PRDM9: variants seen among roughly 807,000 people sequenced by gnomAD.
PRDM9 encodes the protein PR/SET domain 9, also known as histone-lysine N-methyltransferase PRDM9.
PRDM9 carries 47 observed loss-of-function variants against 55.6 expected under a neutral mutation model. That is an observed-to-expected ratio of 0.85 (90% CI 0.67 to 1.08). The LOEUF (loss-of-function observed/expected upper bound fraction) is 1.08, where lower values mean the gene tolerates loss of function less well. Ranked by LOEUF, PRDM9 falls within the 50% of genes least tolerant of loss-of-function variation. The pLI, the probability that PRDM9 is intolerant of heterozygous loss-of-function variation, is 0.00. For missense variants in PRDM9, 867 were observed against 1,040.3 expected (o/e 0.83, Z 2.29); for synonymous variants, 312 against 375.7 (o/e 0.83, Z 1.96).
chr5:23,526,150 G>T, intron 10 of PRDM9, 83 bp from the exon 11 acceptor site: 1 of 1,453,892 alleles, frequency 6.9e-7, no homozygotes, highest in South Asian at 1.1e-5. Context: ...AAGAATGATT[G>T]TTTCTTCATT....
chr5:23,524,332 A>G lies in PRDM9; in HGVS notation c.951-2A>G. ...CTTTCCCTTTGCCTGCCTTGACCCCAGGTATGTGAACTGTGCCCGGGATGA... is the reference window on the plus strand; with the variant it reads ...CTTTCCCTTTGCCTGCCTTGACCCCGGGTATGTGAACTGTGCCCGGGATGA... On this transcript the variant is annotated splice_acceptor_variant, in intron 9 of 10. Transcript: ENST00000296682. LOFTEE classifies it high-confidence loss of function. 6.2e-7 allele frequency: 1 copy of G among 1,613,664 alleles called. No individual in the cohort carries two copies. The highest frequency in any genetic ancestry group is 8.5e-7 in the Non-Finnish European group (1 of 1,179,678).
rs1739010418 is a variant in PRDM9, at chr5:23,507,665, A to C, written c.-132A>C. ...GAACGCCGCGGCAGGAGAGCACGGG[A>C]GATTGTGAAGAGCATGGGGAGCCTT... On this transcript the variant is annotated 5_prime_UTR_variant, in exon 1 of 11. Coordinates refer to ENST00000296682, the MANE Select transcript of PRDM9 (RefSeq NM_020227.4). The C allele has an allele frequency of 6.6e-6, 1 of 152,342 alleles. No homozygotes were observed. Among genetic ancestry groups the C allele is most frequent in the South Asian group, 2.1e-4 (1 of 4,826 alleles). 9.4% of individuals were successfully genotyped at this position (152,342 alleles called of 1,614,324 possible). A position where few individuals can be genotyped will look rare whatever the true frequency, so the allele number is the denominator to read the frequency against.
intron 5 of PRDM9, 120 bp from the exon 6 acceptor site, chr5:23,520,903 A>G: frequency 1.7e-6 from 2 of 1,178,206 alleles, no homozygotes; most frequent in South Asian, 2.7e-5. Flanking sequence ...GTATTTAGAC[A>G]CTCTAGGTAT....
In PRDM9 at chr5:23,526,592, C is replaced by A. The variant is rs753543119; in HGVS notation, c.1504C>A (p.Gln502Lys). The part of the protein sequence containing the change: ...RIMEEESRTG[Q>K]KVNPGNTGKL... The stretch of plus-strand genomic sequence containing the variant: ...AATGGAAGAAGAGTCCAGAACAGGC[C>A]AGAAAGTGAATCCAGGGAACACAGG... Residue 502 changes from glutamine to lysine, a missense_variant, in exon 11 of 11, where the codon CAG becomes AAG. By Grantham distance (53) the Gln-to-Lys change is moderately conservative. This residue lies in a region of PRDM9 where 662 missense variants were observed against 711.9 expected (regional missense o/e 0.93). Transcript: ENST00000296682. 2 of 1,614,194 alleles carry A rather than the reference C, an allele frequency of 1.2e-6. No individual in the cohort carries two copies. The highest frequency in any genetic ancestry group is 1.7e-5 in the Admixed American group (1 of 60,026).
In PRDM9 at chr5:23,509,536, TG is replaced by T. The variant is rs771602494; in HGVS notation, c.139del (p.Glu47ArgfsTer8). 1.2e-6 allele frequency: 2 copies of T among 1,614,156 alleles called. No individual in the cohort carries two copies. The highest frequency in any genetic ancestry group is 4.5e-5 in the East Asian group (2 of 44,868). ...TKEEWAEMGDWEKTRYRNVKR... is the reference protein window; with the variant it reads ...TKEEWAEMGDXEKTRYRNVKR... Reference sequence around the variant, plus strand: ...GGAAGAATGGGCAGAGATGGGAGACTGGGAGAAAACTCGCTATAGGAATGTG... The same window carrying T: ...GGAAGAATGGGCAGAGATGGGAGACTGGAGAAAACTCGCTATAGGAATGTG... On this transcript the variant is annotated frameshift_variant, in exon 3 of 11. Coordinates refer to ENST00000296682, the MANE Select transcript of PRDM9 (RefSeq NM_020227.4). LOFTEE classifies it high-confidence loss of function.
chr5:23,520,091 G>A (rs1467677165), intron 5 of PRDM9, among the ~76,000 whole-genome samples: 1 of 149,096 alleles, frequency 6.7e-6, no homozygotes, highest in Non-Finnish European at 1.5e-5. Flanking sequence ...TGGTCTGAGT[G>A]TGGGGGCTCA....
rs546938751 is a variant in PRDM9 at position 23,522,893 on chromosome 5, G to A, written c.882+8G>A. ...AATGGATACTCCTGGCTGGTAAGAA[G>A]AGCCTGCCATTTCCCCTGTTCTGTC... On this transcript the variant is annotated splice_region_variant and intron_variant, in intron 8 of 10. Coordinates refer to ENST00000296682, the MANE Select transcript of PRDM9 (RefSeq NM_020227.4). 13 of 1,614,264 alleles carry A rather than the reference G, an allele frequency of 8.1e-6. No homozygotes were observed. The highest frequency in any genetic ancestry group is 2.2e-5 in the East Asian group (1 of 44,890).
At position 23,524,373 on chromosome 5, in the gene PRDM9, G is replaced by A; in HGVS notation, c.990G>A (p.Leu330=). The A allele has an allele frequency of 1.2e-6, 2 of 1,613,916 alleles. No homozygotes were observed. The highest frequency in any genetic ancestry group is 2.2e-5 in the East Asian group (1 of 44,860). ...NCARDDEEQN[L]VAFQYHRQIF... The stretch of plus-strand genomic sequence containing the variant: ...CCCGGGATGATGAAGAGCAGAACCT[G>A]GTGGCCTTCCAGTACCACAGGCAGA... The change falls in exon 10 of 11, where the codon CTG becomes CTA. Residue 330 remains leucine, a synonymous_variant. Transcript: ENST00000296682.
chr5:23,508,399 C>T (rs566409909), intron 1 of PRDM9, among the ~76,000 whole-genome samples: 2 of 152,234 alleles, frequency 1.3e-5, no homozygotes, highest in South Asian at 4.1e-4. Flanking sequence ...TTTCTTCAGT[C>T]TAAGACATCT....
intron 10 of PRDM9, among the ~76,000 whole-genome samples, chr5:23,524,883 G>A (rs16874441): frequency 0.045 from 6,850 of 152,224 alleles, 321 homozygotes; most frequent in East Asian, 0.19. Flanking sequence ...ATATGCATGT[G>A]TTGTTATTCA....
intron 4 of PRDM9, 151 bp from the exon 5 acceptor site, chr5:23,517,730 T>C (rs1294464236): frequency 1.3e-6 from 1 of 749,762 alleles, no homozygotes; most frequent in Non-Finnish European, 2.3e-6. Context: ...GAGGTTGCAG[T>C]GAGTGGAGAT....
rs1171549171 is a variant in PRDM9, at chr5:23,521,010, T to G, written c.352-13T>G. ...TTCGTGTTGTCTTTTAATATGTGAC[T>G]CTCACATTAAAGGGAATGCCCAAGG... On this transcript the variant is annotated splice_polypyrimidine_tract_variant and intron_variant, in intron 5 of 10. Transcript: ENST00000296682. 5 of 1,613,828 alleles carry G rather than the reference T, an allele frequency of 3.1e-6. No homozygotes were observed. The highest frequency in any genetic ancestry group is 4.2e-6 in the Non-Finnish European group (5 of 1,179,712).
intron 4 of PRDM9, among the ~76,000 whole-genome samples, chr5:23,511,649 T>C (rs570678188): frequency 1.1e-4 from 16 of 152,292 alleles, no homozygotes; most frequent in South Asian, 6.2e-4. Flanking sequence ...CCTGGCCTCA[T>C]ATAAAGTTTT....
rs182841000 is a variant in PRDM9, at chr5:23,515,624, T to G, written c.302-2257T>G. The stretch of plus-strand genomic sequence containing the variant: ...TCATAAGCTTTTCCTCTGTGTTTTC[T>G]TCTTGAGGTTCTGTACTTATAGGTT... On this transcript the variant is annotated intron_variant, in intron 4 of 10. Transcript: ENST00000296682. Among the ~76,000 whole-genome samples the G allele has an allele frequency of 5.9e-5, 9 of 152,348 alleles. No individual in the cohort carries two copies. The East Asian group carries it at 1.7e-3, about 29-fold the overall frequency.
At chr5:23,523,413 G>T (rs1034407895) in intron 9 of PRDM9, 55 bp downstream of exon 9, 18 of 1,543,794 alleles carry the variant, frequency 1.2e-5, no homozygotes, top group Non-Finnish European at 1.5e-5. Flanking sequence ...TCACAAAGCT[G>T]GATTTCCTTC....
At chr5:23,524,900 A>C (rs903495360) in intron 10 of PRDM9, among the ~76,000 whole-genome samples, 5 of 152,216 alleles carry the variant, frequency 3.3e-5, no homozygotes, top group African/African-American at 7.2e-5. Context: ...TTCATTCATT[A>C]ATTACCTCAA....
intron 4 of PRDM9, among the ~76,000 whole-genome samples, chr5:23,512,236 A>G (rs1211964409): frequency 6.6e-6 from 1 of 152,190 alleles, no homozygotes; most frequent in African/African-American, 2.4e-5. Flanking sequence ...AGAGCTGTTT[A>G]GTTTCCCTGA....
rs761011357 is a variant in PRDM9, at chr5:23,527,652, C to T, written c.2564C>T (p.Thr855Ile). The change falls in exon 11 of 11, where the codon ACA becomes ATA. Residue 855 changes from threonine to isoleucine, a missense_variant. Thr to Ile is a moderately conservative substitution (Grantham distance 89). This residue lies in a region of PRDM9 where 86 missense variants were observed against 73.6 expected (regional missense o/e 1.17). Coordinates refer to ENST00000296682, the MANE Select transcript of PRDM9 (RefSeq NM_020227.4). Reference sequence around the variant, plus strand: ...CTCCTCAGACACCAGAGGACACACACAGGGGAGAAGCCCTACGTCTGCAGG... The same window carrying T: ...CTCCTCAGACACCAGAGGACACACATAGGGGAGAAGCCCTACGTCTGCAGG... Reference protein sequence around the residue: ...SHLLRHQRTHTGEKPYVCREC... With the variant: ...SHLLRHQRTHIGEKPYVCREC... 3.9e-6 allele frequency: 6 copies of T among 1,520,088 alleles called. No individual in the cohort carries two copies. The highest frequency in any genetic ancestry group is 4.4e-6 in the Non-Finnish European group (5 of 1,125,508). 94.2% of individuals were successfully genotyped at this position (1,520,088 alleles called of 1,614,324 possible). A position where few individuals can be genotyped will look rare whatever the true frequency, so the allele number is the denominator to read the frequency against.
rs1165533170 is a variant in PRDM9 at position 23,522,822 on chromosome 5, T to C, written c.819T>C (p.Phe273=). 2 of 1,614,110 alleles carry C rather than the reference T, an allele frequency of 1.2e-6. No individual in the cohort carries two copies. Among genetic ancestry groups the C allele is most frequent in the Non-Finnish European group, 1.7e-6 (2 of 1,180,048 alleles). Residue 273 remains phenylalanine, a synonymous_variant, in exon 8 of 11, where the codon TTT becomes TTC. Coordinates refer to ENST00000296682, the MANE Select transcript of PRDM9 (RefSeq NM_020227.4). ...CTGATCTGCCGCTGGGTCTGCACTTTGGCCCTTATGAGGGCCGAATTACAG... is the reference window on the plus strand; with the variant it reads ...CTGATCTGCCGCTGGGTCTGCACTTCGGCCCTTATGAGGGCCGAATTACAG... ...EASDLPLGLH[F]GPYEGRITED...
Sources: gnomAD v4.1 joint callset for allele counts (sites outside exome capture counted in the v4.1 genomes callset) on GRCh38, gnomAD v4.1.1 for gene constraint, gnomAD v4.1.1 regional missense constraint, MANE v1.5 for transcripts, NCBI Gene and HGNC (gene_info 2026-07-23, HGNC 2026-07-21) for gene names.